CNBD1: variants seen among roughly 807,000 people sequenced by gnomAD.
The protein encoded by CNBD1 is cyclic nucleotide-binding domain-containing protein 1.
CNBD1 carries 71 observed loss-of-function variants against 54.4 expected under a neutral mutation model. The observed-to-expected ratio is 1.30, with a 90% CI of 1.08 to 1.59. The LOEUF (loss-of-function observed/expected upper bound fraction) is 1.59, where lower values mean the gene tolerates loss of function less well. CNBD1 is among the 40% of genes most tolerant of loss of function. The probability of loss-of-function intolerance (pLI) is 0.00; values close to 1 mark genes in which losing one functional copy is unlikely to be tolerated. For synonymous variants in CNBD1, 182 were observed against 170.7 expected, an observed-to-expected ratio of 1.07 and a Z score of -0.51; for missense variants, 659 against 518.0, an observed-to-expected ratio of 1.27 and a Z score of -2.64.
At chr8:87,144,653 C>G (rs992477930) in intron 4 of CNBD1, among the ~76,000 whole-genome samples, 2 of 152,016 alleles carry the variant, frequency 1.3e-5, no homozygotes, top group African/African-American at 2.4e-5. Context: ...GAAACACCAT[C>G]TCTACTAAAA....
chr8:87,264,844 GTTGT>G (rs1469644860), intron 6 of CNBD1, among the ~76,000 whole-genome samples: 3 of 151,994 alleles, frequency 2.0e-5, no homozygotes, highest in Admixed American at 1.3e-4. Flanking sequence ...TGTTGATGGG[GTTGT>G]TTGTTTTTTT....
chr8:87,250,472 G>C (rs568342093), intron 6 of CNBD1, among the ~76,000 whole-genome samples: 1 of 152,274 alleles, frequency 6.6e-6, no homozygotes, highest in South Asian at 2.1e-4. Flanking sequence ...TCACTACAGA[G>C]TATATATCCA....
At chr8:87,229,335 G>A (rs1814609826) in intron 5 of CNBD1, among the ~76,000 whole-genome samples, 1 of 151,904 alleles carries the variant, frequency 6.6e-6, no homozygotes, top group Non-Finnish European at 1.5e-5. Flanking sequence ...TATGTATTTT[G>A]AATATTTGAA....
At chr8:87,301,064 T>C (rs898113033) in intron 8 of CNBD1, among the ~76,000 whole-genome samples, 1 of 152,092 alleles carries the variant, frequency 6.6e-6, no homozygotes, top group Non-Finnish European at 1.5e-5. Flanking sequence ...AAGGCTACTA[T>C]GAACACCTTT....
chr8:87,328,131 C>T, intron 8 of CNBD1, among the ~76,000 whole-genome samples: 1 of 152,164 alleles, frequency 6.6e-6, no homozygotes, highest in East Asian at 1.9e-4. Context: ...TGCTCTCCTT[C>T]CCCGTGCCCC....
At chr8:87,233,125 T>A (rs1402281103) in intron 5 of CNBD1, among the ~76,000 whole-genome samples, 2 of 152,164 alleles carry the variant, frequency 1.3e-5, no homozygotes, top group Admixed American at 1.3e-4. Context: ...ATTCAATGAA[T>A]AATTGACAAA....
intron 4 of CNBD1, among the ~76,000 whole-genome samples, chr8:87,007,449 G>T (rs1364443133): frequency 2.6e-5 from 4 of 152,014 alleles, no homozygotes; most frequent in Admixed American, 2.6e-4. Context: ...TCTTTCAGAT[G>T]TAAAAAGTAT....
chr8:86,907,791 A>T (rs1809040687), intron 3 of CNBD1, among the ~76,000 whole-genome samples: 1 of 152,214 alleles, frequency 6.6e-6, no homozygotes, highest in Admixed American at 6.6e-5. Flanking sequence ...TCCCACATTC[A>T]GTGTGATATA....
chr8:87,050,554 C>T (rs748462006), intron 4 of CNBD1, among the ~76,000 whole-genome samples: 19 of 152,144 alleles, frequency 1.2e-4, no homozygotes, highest in Non-Finnish European at 2.6e-4. Context: ...CAGCACTGTC[C>T]AGGTTAGTTG....
In CNBD1 at chr8:87,303,908, A is replaced by C. The variant is rs867917675; in HGVS notation, c.1042+17237A>C. 4.6e-5 allele frequency among the ~76,000 whole-genome samples: 7 copies of C among 152,332 alleles called. No individual in the cohort carries two copies. The Middle Eastern group carries it at 0.024, about 518-fold the overall frequency. The stretch of plus-strand genomic sequence containing the variant: ...AAAATGCTCACCATCACTGGCCATC[A>C]GAGAAATGCAAATCAAAACCACAAT... On this transcript the variant is annotated intron_variant, in intron 8 of 10. Coordinates refer to ENST00000518476, the MANE Select transcript of CNBD1 (RefSeq NM_173538.3).
chr8:86,886,426 A>G (rs1033021832), intron 1 of CNBD1, among the ~76,000 whole-genome samples: 1 of 152,156 alleles, frequency 6.6e-6, no homozygotes, highest in African/African-American at 2.4e-5. Flanking sequence ...TTCCAAGTTT[A>G]TTATGATATG....
At chr8:87,099,063 A>G (rs948651657) in intron 4 of CNBD1, among the ~76,000 whole-genome samples, 2 of 145,808 alleles carry the variant, frequency 1.4e-5, no homozygotes, top group African/African-American at 5.5e-5. Flanking sequence ...AAAAAAAACA[A>G]AACTCCAAAT....
intron 8 of CNBD1, among the ~76,000 whole-genome samples, chr8:87,314,832 T>G (rs1809347670): frequency 1.3e-5 from 2 of 151,868 alleles, no homozygotes; most frequent in African/African-American, 4.8e-5. Context: ...AATATAAAGG[T>G]GCTGTATGAA....
chr8:87,079,005 G>A (rs1326305278), intron 4 of CNBD1, among the ~76,000 whole-genome samples: 1 of 151,846 alleles, frequency 6.6e-6, no homozygotes, highest in Non-Finnish European at 1.5e-5. Context: ...ATGCCCATAG[G>A]CAGTCTATCC....
At chr8:87,347,515 A>T (rs1810198359) in intron 8 of CNBD1, among the ~76,000 whole-genome samples, 1 of 150,576 alleles carries the variant, frequency 6.6e-6, no homozygotes, top group Non-Finnish European at 1.5e-5. Flanking sequence ...TATAAGCAAT[A>T]AACAAATCAA....
At chr8:87,285,255 A>G (rs867069646) in intron 7 of CNBD1, among the ~76,000 whole-genome samples, 1 of 152,196 alleles carries the variant, frequency 6.6e-6, no homozygotes, top group Non-Finnish European at 1.5e-5. Flanking sequence ...ATATTTCATA[A>G]TTACAACAGA....
At chr8:86,930,125 G>A (rs1177938963) in intron 3 of CNBD1, among the ~76,000 whole-genome samples, 1 of 152,148 alleles carries the variant, frequency 6.6e-6, no homozygotes, top group Non-Finnish European at 1.5e-5. Flanking sequence ...CCATCTCGCT[G>A]TATCCAGGGA....
chr8:86,999,285 G>T (rs1586189556), intron 4 of CNBD1, among the ~76,000 whole-genome samples: 1 of 152,212 alleles, frequency 6.6e-6, no homozygotes, highest in Non-Finnish European at 1.5e-5. Flanking sequence ...GTAGGATCTA[G>T]TGACCTGGAC....
intron 8 of CNBD1, among the ~76,000 whole-genome samples, chr8:87,291,426 G>T (rs936102980): frequency 2.0e-5 from 3 of 152,062 alleles, no homozygotes; most frequent in African/African-American, 4.8e-5. Context: ...TGGGGGTCAA[G>T]AAATATTTTC....
Sources: allele counts gnomAD v4.1 joint callset (sites outside exome capture counted in the v4.1 genomes callset), GRCh38; gene constraint gnomAD v4.1.1; transcripts MANE v1.5; gene names NCBI Gene and HGNC (gene_info 2026-07-23, HGNC 2026-07-21).